ADGB: variants seen among roughly 807,000 people sequenced by gnomAD.
The protein encoded by ADGB is calpain-7-like protein.
In ADGB, 172 loss-of-function variants were observed where a neutral mutation model predicts 210.5. The observed-to-expected ratio is 0.82, with a 90% CI of 0.72 to 0.93. ADGB has a LOEUF of 0.93. Among genes scored for constraint, ADGB ranks in the 40% least tolerant of loss-of-function variants. The probability of loss-of-function intolerance (pLI) is 0.00; values close to 1 mark genes in which losing one functional copy is unlikely to be tolerated. For missense variants in ADGB, 2,025 were observed against 1,964.8 expected, an observed-to-expected ratio of 1.03 and a Z score of -0.58; for synonymous variants, 658 against 662.7, an observed-to-expected ratio of 0.99 and a Z score of 0.11.
At chr6:146,705,922 T>C (rs757181725) in intron 13 of ADGB, among the ~76,000 whole-genome samples, 5 of 152,118 alleles carry the variant, frequency 3.3e-5, no homozygotes, top group Non-Finnish European at 5.9e-5. Context: ...TTTTCTTTGA[T>C]AGGAGACTTT....
intron 1 of ADGB, among the ~76,000 whole-genome samples, chr6:146,609,332 C>A (rs956888062): frequency 6.6e-6 from 1 of 152,120 alleles, no homozygotes; most frequent in South Asian, 2.1e-4. Context: ...GTCCAACTTA[C>A]CACTCTGTGC....
chr6:146,654,102 A>T (rs1293070445), intron 3 of ADGB, 33 bp from the exon 4 acceptor site: 1 of 1,251,732 alleles, frequency 8.0e-7, no homozygotes, highest in African/African-American at 1.5e-5. Flanking sequence ...TATTTTTCTT[A>T]TGGAGTAATA....
chr6:146,638,120 C>A (rs1583569165), intron 2 of ADGB, among the ~76,000 whole-genome samples: 1 of 151,928 alleles, frequency 6.6e-6, no homozygotes, highest in Non-Finnish European at 1.5e-5. Flanking sequence ...CACATAAACA[C>A]AACTAAAGAC....
chr6:146,727,712 T>A (rs1396364054), intron 19 of ADGB, among the ~76,000 whole-genome samples: 1 of 152,206 alleles, frequency 6.6e-6, no homozygotes, highest in Non-Finnish European at 1.5e-5. Flanking sequence ...CCATAATTGA[T>A]CCTATCTAAT....
At chr6:146,746,984 A>G (rs893522778) in intron 26 of ADGB, among the ~76,000 whole-genome samples, 1 of 152,196 alleles carries the variant, frequency 6.6e-6, no homozygotes, top group Non-Finnish European at 1.5e-5. Flanking sequence ...TTTGTGCTTA[A>G]ACCTTCAAAT....
intron 1 of ADGB, among the ~76,000 whole-genome samples, chr6:146,611,716 TG>T (rs1298701867): frequency 6.6e-6 from 1 of 152,136 alleles, no homozygotes; most frequent in Non-Finnish European, 1.5e-5. Context: ...TCAAATAATA[TG>T]CCTGTCTTCT....
chr6:146,729,161 C>T (rs556455951), intron 20 of ADGB, among the ~76,000 whole-genome samples: 1 of 152,284 alleles, frequency 6.6e-6, no homozygotes, highest in Admixed American at 6.5e-5. Flanking sequence ...TCTAGCTTCA[C>T]AGGCAGCCTT....
At chr6:146,652,629 T>A (rs1043968118) in intron 3 of ADGB, among the ~76,000 whole-genome samples, 1 of 152,144 alleles carries the variant, frequency 6.6e-6, no homozygotes, top group African/African-American at 2.4e-5. Context: ...TATTATTTAT[T>A]GGTACCTGAT....
Position 146,801,846 on chromosome 6 carries a change from T to C in ADGB, c.4653T>C (p.Pro1551=). Residue 1551 remains proline (P), a synonymous_variant, in exon 35 of 36, where the codon CCT becomes CCC. Transcript: ENST00000397944. ...TATCAAGGAAAACAGATACAGATCC[T>C]CTGCTGCAAACAGATGAATTGAATC... ...SQYVRKTDTD[P]LLQTDELNQQ... is the part of the protein sequence containing the mutation. 1 of 1,545,460 alleles carries C rather than the reference T, an allele frequency of 6.5e-7. No individual in the cohort carries two copies.
At chr6:146,806,684 A>G (rs1281495887) in intron 35 of ADGB, among the ~76,000 whole-genome samples, 1 of 152,182 alleles carries the variant, frequency 6.6e-6, no homozygotes, top group Non-Finnish European at 1.5e-5. Context: ...TTTAATCCTT[A>G]TTCTTTGATT....
At position 146,779,409 on chromosome 6, in the gene ADGB, G is replaced by T. The variant is rs74407717; in HGVS notation, c.3863-2611G>T. On this transcript the variant is annotated intron_variant, in intron 29 of 35. Transcript: ENST00000397944. ...AGAGAAAGTGGCAGAAAGGCTATTTGAACTAATAATGGCTGAAAATGTCCA... is the reference window on the plus strand; with the variant it reads ...AGAGAAAGTGGCAGAAAGGCTATTTTAACTAATAATGGCTGAAAATGTCCA... Among the ~76,000 whole-genome samples the T allele has an allele frequency of 4.9e-3, 751 of 152,300 alleles. 2 individuals are homozygous for T. The highest frequency in any genetic ancestry group is 0.017 in the African/African-American group (707 of 41,570).
intron 1 of ADGB, among the ~76,000 whole-genome samples, chr6:146,607,569 A>G (rs1780649917): frequency 6.6e-6 from 1 of 152,066 alleles, no homozygotes; most frequent in South Asian, 2.1e-4. Context: ...TATGTTCCTT[A>G]AATGCCTAGT....
chr6:146,608,516 A>G (rs1292438728), intron 1 of ADGB, among the ~76,000 whole-genome samples: 3 of 152,184 alleles, frequency 2.0e-5, no homozygotes, highest in Non-Finnish European at 2.9e-5. Context: ...ATTTAGCAAT[A>G]TAAAATTCCC....
intron 1 of ADGB, among the ~76,000 whole-genome samples, chr6:146,629,595 TTAAA>T (rs2114852306): frequency 6.6e-6 from 1 of 152,334 alleles, no homozygotes; most frequent in African/African-American, 2.4e-5. Context: ...ATATCTTCCT[TTAAA>T]TAAATAGATT....
At chr6:146,770,692 G>A (rs971036594) in intron 29 of ADGB, 6 of 426,914 alleles carry the variant, frequency 1.4e-5, no homozygotes, top group Admixed American at 2.5e-5. Flanking sequence ...AGAAAGTTTT[G>A]TGATGTTTTA....
intron 1 of ADGB, among the ~76,000 whole-genome samples, chr6:146,620,798 T>C (rs1422057875): frequency 1.3e-5 from 2 of 152,158 alleles, no homozygotes; most frequent in Non-Finnish European, 2.9e-5. Flanking sequence ...TCTTCAAATC[T>C]TCTGGGTCAA....
chr6:146,740,277 G>A (rs944791873), intron 23 of ADGB, among the ~76,000 whole-genome samples, 182 bp from the exon 24 acceptor site: 2 of 152,138 alleles, frequency 1.3e-5, no homozygotes, highest in African/African-American at 4.8e-5. Flanking sequence ...AACCTAGAAT[G>A]GGTCCCCTTC....
At chr6:146,805,191 G>C (rs1410957543) in intron 35 of ADGB, among the ~76,000 whole-genome samples, 1 of 152,086 alleles carries the variant, frequency 6.6e-6, no homozygotes, top group Non-Finnish European at 1.5e-5. Context: ...TTGCACATTG[G>C]CTGTGACTAT....
chr6:146,611,731 T>A (rs1780714415), intron 1 of ADGB, among the ~76,000 whole-genome samples: 2 of 152,158 alleles, frequency 1.3e-5, no homozygotes, highest in Non-Finnish European at 2.9e-5. Context: ...GTCTTCTTGA[T>A]GGCCTGGTCT....
Sources: allele counts gnomAD v4.1 joint callset (sites outside exome capture counted in the v4.1 genomes callset), GRCh38; gene constraint gnomAD v4.1.1; transcripts MANE v1.5; gene names NCBI Gene and HGNC (gene_info 2026-07-23, HGNC 2026-07-21).